The following SLC14A2 variants were observed in gnomAD, a reference collection of about 807,000 sequenced individuals.
SLC14A2 encodes solute carrier family 14 member 2, also known as urea transporter 2.
In SLC14A2, 91 loss-of-function variants were observed where a neutral mutation model predicts 104.6. The ratio of observed to expected loss-of-function variants is 0.87; its 90% CI spans 0.73 to 1.04. SLC14A2 has a LOEUF of 1.04. Among genes scored for constraint, SLC14A2 ranks in the 50% least tolerant of loss-of-function variants. SLC14A2 has a pLI of 0.00. For synonymous variants in SLC14A2, 476 were observed against 466.4 expected, an observed-to-expected ratio of 1.02 and a Z score of -0.27; for missense variants, 1,189 against 1,156.0, an observed-to-expected ratio of 1.03 and a Z score of -0.41.
At chr18:45,305,266 T>C (rs2085007531) in intron 1 of SLC14A2, among the ~76,000 whole-genome samples, 1 of 152,184 alleles carries the variant, frequency 6.6e-6, no homozygotes, top group East Asian at 1.9e-4. Flanking sequence ...TGAGCCTATT[T>C]AGGGGGCACC....
At chr18:45,359,315 G>GC (rs1390462295) in intron 1 of SLC14A2, among the ~76,000 whole-genome samples, 3 of 152,142 alleles carry the variant, frequency 2.0e-5, no homozygotes, top group African/African-American at 4.8e-5. Context: ...TGGGAAGCAG[G>GC]CCCCCCCGTC....
chr18:45,409,553 AACAGAAAACCGTAAAGTTTC>A, intron 1 of SLC14A2, among the ~76,000 whole-genome samples: 1 of 152,336 alleles, frequency 6.6e-6, no homozygotes. Flanking sequence ...GTGAAAATAA[AACAGAAAACCGTAAAGTTTC>A]ACAAGACGAC....
At chr18:45,268,719 T>C (rs1292415480) in intron 1 of SLC14A2, among the ~76,000 whole-genome samples, 1 of 152,204 alleles carries the variant, frequency 6.6e-6, no homozygotes, top group Non-Finnish European at 1.5e-5. Flanking sequence ...GCATTTCATC[T>C]GTTGAATGGA....
chr18:45,509,111 G>A (rs965254078), intron 2 of SLC14A2, among the ~76,000 whole-genome samples: 2 of 152,138 alleles, frequency 1.3e-5, no homozygotes, highest in Non-Finnish European at 2.9e-5. Flanking sequence ...AGTCCAAGAA[G>A]TAGAAGGAAA....
intron 1 of SLC14A2, among the ~76,000 whole-genome samples, chr18:45,430,164 A>G (rs1426774985): frequency 6.6e-6 from 1 of 152,246 alleles, no homozygotes; most frequent in Non-Finnish European, 1.5e-5. Context: ...TTAGAAGTCC[A>G]TTGCTAAAGC....
chr18:45,580,097 C>T (rs1212473998), intron 2 of SLC14A2, among the ~76,000 whole-genome samples: 5 of 152,054 alleles, frequency 3.3e-5, no homozygotes, highest in African/African-American at 9.7e-5. Flanking sequence ...TCAATCCTTA[C>T]GCAAAGCCAC....
At chr18:45,469,868 TA>T (rs962649414) in intron 1 of SLC14A2, among the ~76,000 whole-genome samples, 1 of 152,160 alleles carries the variant, frequency 6.6e-6, no homozygotes. Context: ...GGACACATTA[TA>T]AAGGAACTTG....
intron 1 of SLC14A2, among the ~76,000 whole-genome samples, chr18:45,363,835 G>A (rs1029743873): frequency 7.3e-6 from 1 of 137,148 alleles, no homozygotes; most frequent in Non-Finnish European, 1.6e-5. Context: ...GCTGGGGATG[G>A]GGGAAAGTCA....
At chr18:45,611,799 T>G (rs79943232), upstream of SLC14A2, among the ~76,000 whole-genome samples, 1,231 of 152,230 alleles carry the variant, frequency 8.1e-3, 11 homozygotes, top group South Asian at 0.034. Context: ...TCACTGACCC[T>G]GCAAAACAAG....
At chr18:45,409,844 G>A (rs2086195932) in intron 1 of SLC14A2, among the ~76,000 whole-genome samples, 1 of 152,156 alleles carries the variant, frequency 6.6e-6, no homozygotes, top group South Asian at 2.1e-4. Context: ...GGGTTGGAGG[G>A]TGGTTTTAGG....
intron 2 of SLC14A2, among the ~76,000 whole-genome samples, chr18:45,570,162 G>C (rs543491098): frequency 1.3e-5 from 2 of 152,126 alleles, no homozygotes; most frequent in Non-Finnish European, 2.9e-5. Context: ...CAGCAAAGAA[G>C]GATGAAGAAC....
At chr18:45,173,714 T>C in the SLC14A2 span, among the ~76,000 whole-genome samples, 1 of 152,146 alleles carries the variant, frequency 6.6e-6, no homozygotes, top group Non-Finnish European at 1.5e-5. Flanking sequence ...CCACTAGTGA[T>C]AACTACTATT....
At chr18:45,588,119 T>C (rs1450352503) in intron 2 of SLC14A2, among the ~76,000 whole-genome samples, 1 of 152,106 alleles carries the variant, frequency 6.6e-6, no homozygotes. Context: ...GAATTCAAAT[T>C]CTTCTATGTA....
At chr18:45,323,135 G>A (rs1381893307) in intron 1 of SLC14A2, among the ~76,000 whole-genome samples, 1 of 152,138 alleles carries the variant, frequency 6.6e-6, no homozygotes, top group Non-Finnish European at 1.5e-5. Flanking sequence ...AACTAATTAT[G>A]ATGGGAACCA....
exon 1 of SLC14A2, chr18:45,213,163 T>G (rs2083976469): frequency 6.6e-6 from 1 of 152,202 alleles, no homozygotes; most frequent in South Asian, 2.1e-4. Context: ...AGCACCTCCA[T>G]TCATTGTGCC....
At position 45,673,900 on chromosome 18, in the gene SLC14A2, T is replaced by C. The variant is rs539316665; in HGVS notation, c.2512+83T>C. 402 of 1,375,662 alleles carry C rather than the reference T, an allele frequency of 2.9e-4. 2 individuals are homozygous for C. Among genetic ancestry groups the C allele is most frequent in the Middle Eastern group, 3.6e-4 (2 of 5,556 alleles). 85.2% of individuals were successfully genotyped at this position (1,375,662 alleles called of 1,614,324 possible). A position where few individuals can be genotyped will look rare whatever the true frequency, so the allele number is the denominator to read the frequency against. On this transcript the variant is annotated intron_variant, in intron 18 of 19. Coordinates refer to ENST00000255226, the MANE Select transcript of SLC14A2 (RefSeq NM_007163.4). ...GTTTTTTTATGTTTTTTAATGGTTA[T>C]TTAGTAATTAATAGATTAAACACTA...
upstream of SLC14A2, among the ~76,000 whole-genome samples, chr18:45,209,985 G>T (rs2083948744): frequency 6.6e-6 from 1 of 152,156 alleles, no homozygotes; most frequent in African/African-American, 2.4e-5. Flanking sequence ...GCCCACAAAT[G>T]GGATGGAGAA....
At chr18:45,481,537 T>A (rs1251888705) in intron 1 of SLC14A2, among the ~76,000 whole-genome samples, 1 of 152,226 alleles carries the variant, frequency 6.6e-6, no homozygotes, top group Non-Finnish European at 1.5e-5. Flanking sequence ...AAATATTTAC[T>A]CTTCCCCAAC....
At position 45,639,826 on chromosome 18, in the gene SLC14A2, T is replaced by C; in HGVS notation, c.924T>C (p.Ala308=). Residue 308 remains alanine (A), a synonymous_variant, in exon 7 of 20, where the codon GCT becomes GCC. Transcript: ENST00000255226. Reference sequence around the variant, plus strand: ...GGACAGGCGGCGTGTTCCTGGTGGCTCTGTTCATCTCCTCGCCACTCATCT... The same window carrying C: ...GGACAGGCGGCGTGTTCCTGGTGGCCCTGTTCATCTCCTCGCCACTCATCT... ...NPWTGGVFLV[A]LFISSPLICL... 1.9e-6 allele frequency: 3 copies of C among 1,614,000 alleles called. No individual in the cohort carries two copies. The highest frequency in any genetic ancestry group is 2.5e-6 in the Non-Finnish European group (3 of 1,180,010).
Sources: gnomAD v4.1 joint callset for allele counts (sites outside exome capture counted in the v4.1 genomes callset) on GRCh38, gnomAD v4.1.1 for gene constraint, MANE v1.5 for transcripts, NCBI Gene and HGNC (gene_info 2026-07-23, HGNC 2026-07-21) for gene names.